Variants in EEFSEC observed in about 807,000 individuals in gnomAD.
The protein encoded by EEFSEC is eukaryotic elongation factor, selenocysteine-tRNA specific, also known as selenocysteine-specific elongation factor.
EEFSEC carries 43 observed loss-of-function variants against 42.1 expected under a neutral mutation model. That is an observed-to-expected ratio of 1.02 (90% CI 0.80 to 1.32). The LOEUF is 1.32. Among genes scored for constraint, EEFSEC ranks in the 40% most tolerant of loss-of-function variants. The pLI, the probability that EEFSEC is intolerant of heterozygous loss-of-function variation, is 0.00. For synonymous variants in EEFSEC, 354 were observed against 339.1 expected (o/e 1.04, Z -0.48); for missense variants, 745 against 803.6 (o/e 0.93, Z 0.88).
intron 2 of EEFSEC, among the ~76,000 whole-genome samples, chr3:128,259,521 A>T (rs1159917770): frequency 6.6e-6 from 1 of 152,246 alleles, no homozygotes; most frequent in African/African-American, 2.4e-5. Context: ...TGTAATTGAG[A>T]TAGAATTCAC....
At chr3:128,320,806 AG>A (rs1216404123) in intron 4 of EEFSEC, among the ~76,000 whole-genome samples, 1 of 152,158 alleles carries the variant, frequency 6.6e-6, no homozygotes, top group Non-Finnish European at 1.5e-5. Context: ...TGGCCCTATG[AG>A]GAAGATAGGA....
At chr3:128,329,105 G>A (rs111265695) in intron 4 of EEFSEC, among the ~76,000 whole-genome samples, 31 of 152,236 alleles carry the variant, frequency 2.0e-4, no homozygotes, top group African/African-American at 6.5e-4. Flanking sequence ...TACTGTCATG[G>A]ACCCAAATGC....
rs552652818 is a variant in EEFSEC at position 128,257,970 on chromosome 3, A to G, written c.525-4158A>G. Among the ~76,000 whole-genome samples the G allele has an allele frequency of 3.3e-5, 5 of 152,274 alleles. No individual in the cohort carries two copies. The South Asian group carries it at 6.2e-4, about 19-fold the overall frequency. ...CTTCTACTCTACCTTTTATTTGTGGAATGTGGTGGTTTTCCATTTAGATAG... is the reference window on the plus strand; with the variant it reads ...CTTCTACTCTACCTTTTATTTGTGGGATGTGGTGGTTTTCCATTTAGATAG... On this transcript the variant is annotated intron_variant, in intron 2 of 6. Transcript: ENST00000254730.
chr3:128,157,873 A>G (rs1239742250), intron 1 of EEFSEC, among the ~76,000 whole-genome samples: 2 of 152,244 alleles, frequency 1.3e-5, no homozygotes, highest in African/African-American at 4.8e-5. Context: ...TTATTATTTA[A>G]GAAATATATT....
chr3:128,391,612 AC>A (rs1189613326), intron 6 of EEFSEC, among the ~76,000 whole-genome samples: 2 of 152,158 alleles, frequency 1.3e-5, no homozygotes, highest in Non-Finnish European at 2.9e-5. Flanking sequence ...CCTGACCCTC[AC>A]CGATGGGCTC....
intron 1 of EEFSEC, among the ~76,000 whole-genome samples, chr3:128,191,151 A>G (rs1412656842): frequency 6.6e-6 from 1 of 152,230 alleles, no homozygotes; most frequent in Non-Finnish European, 1.5e-5. Flanking sequence ...GCATGGTTGT[A>G]TACCAACATA....
At chr3:128,197,267 C>T (rs759071692) in intron 1 of EEFSEC, among the ~76,000 whole-genome samples, 23 of 152,120 alleles carry the variant, frequency 1.5e-4, no homozygotes, top group African/African-American at 4.3e-4. Context: ...GGCGGAAATA[C>T]GCATTTTGTT....
chr3:128,345,052 G>A (rs1000510366), intron 5 of EEFSEC, among the ~76,000 whole-genome samples: 5 of 152,172 alleles, frequency 3.3e-5, no homozygotes, highest in African/African-American at 1.2e-4. Context: ...GGTCCAATGT[G>A]CAAGCCTGGG....
intron 4 of EEFSEC, 129 bp from the exon 5 acceptor site, chr3:128,341,104 C>A (rs1204696481): frequency 3.5e-6 from 4 of 1,145,594 alleles, no homozygotes; most frequent in African/African-American, 3.1e-5. Context: ...CCCCAGACCC[C>A]CCTTGGCTGG....
chr3:128,255,110 C>G (rs1435097373), intron 2 of EEFSEC, among the ~76,000 whole-genome samples: 1 of 152,062 alleles, frequency 6.6e-6, no homozygotes, highest in East Asian at 1.9e-4. Context: ...AACTAGAGTG[C>G]TGGGAATGGG....
chr3:128,253,606 C>G (rs899778643), intron 2 of EEFSEC, among the ~76,000 whole-genome samples: 1 of 152,146 alleles, frequency 6.6e-6, no homozygotes, highest in African/African-American at 2.4e-5. Flanking sequence ...TCTTTTCTGT[C>G]TCTCTTCCTC....
At chr3:128,297,437 T>C (rs2066718658) in intron 4 of EEFSEC, among the ~76,000 whole-genome samples, 1 of 152,254 alleles carries the variant, frequency 6.6e-6, no homozygotes, top group Non-Finnish European at 1.5e-5. Flanking sequence ...CCTTCCAAAC[T>C]TCCTGTGGGT....
intron 1 of EEFSEC, among the ~76,000 whole-genome samples, chr3:128,178,122 A>G (rs1263478402): frequency 6.6e-6 from 1 of 152,214 alleles, no homozygotes; most frequent in Admixed American, 6.5e-5. Context: ...CATAGTTCAG[A>G]GTCGAGTTAT....
chr3:128,190,824 A>G (rs989019300), intron 1 of EEFSEC, among the ~76,000 whole-genome samples: 1 of 152,094 alleles, frequency 6.6e-6, no homozygotes, highest in Non-Finnish European at 1.5e-5. Context: ...TCCCTTTTTT[A>G]TGTTTAGATA....
intron 4 of EEFSEC, among the ~76,000 whole-genome samples, chr3:128,333,464 G>A (rs1391125333): frequency 6.6e-6 from 1 of 152,210 alleles, no homozygotes; most frequent in Non-Finnish European, 1.5e-5. Context: ...TGTAGTAAGA[G>A]AATATGTGCT....
chr3:128,405,870 C>T (rs2068103441), intron 6 of EEFSEC, among the ~76,000 whole-genome samples: 1 of 152,256 alleles, frequency 6.6e-6, no homozygotes, highest in Non-Finnish European at 1.5e-5. Flanking sequence ...CCTTTGTGCA[C>T]ATGGGGAGGG....
At chr3:128,211,708 G>A (rs1435444389) in intron 1 of EEFSEC, among the ~76,000 whole-genome samples, 1 of 151,228 alleles carries the variant, frequency 6.6e-6, no homozygotes, top group African/African-American at 2.4e-5. Context: ...TAGAGACTGG[G>A]TTTCACCATA....
chr3:128,308,324 G>A (rs1294424732), intron 4 of EEFSEC, among the ~76,000 whole-genome samples: 1 of 152,234 alleles, frequency 6.6e-6, no homozygotes, highest in Non-Finnish European at 1.5e-5. Context: ...CCAGCTTAGT[G>A]TGTGTGCCAG....
Position 128,314,368 on chromosome 3 carries a change from G to A in EEFSEC, c.787-26865G>A, listed in dbSNP as rs557865996. Among the ~76,000 whole-genome samples, 12 of 152,164 alleles carry A rather than the reference G, an allele frequency of 7.9e-5. No homozygotes were observed. In the South Asian group the frequency reaches 2.5e-3, roughly 32 times the overall value. On this transcript the variant is annotated intron_variant, in intron 4 of 6. Transcript: ENST00000254730. ...TATATTTATTTTATTTTTTGAGACA[G>A]AGTCTTACTCCATCACCCAGGCTGG...
Sources: gnomAD v4.1 joint callset for allele counts (sites outside exome capture counted in the v4.1 genomes callset) on GRCh38, gnomAD v4.1.1 for gene constraint, MANE v1.5 for transcripts, NCBI Gene and HGNC (gene_info 2026-07-23, HGNC 2026-07-21) for gene names.